Variants in LNP1 observed in about 807,000 individuals in gnomAD.
LNP1 encodes leukemia NUP98 fusion partner 1.
Under a neutral mutation model 14.5 loss-of-function variants are expected in LNP1, and 12 were observed. That is an observed-to-expected ratio of 0.83 (90% confidence interval 0.53 to 1.34). The LOEUF (loss-of-function observed/expected upper bound fraction) is 1.34, where lower values mean the gene tolerates loss of function less well. Among genes scored for constraint, LNP1 ranks in the 40% most tolerant of loss-of-function variants. The pLI, the probability that LNP1 is intolerant of heterozygous loss-of-function variation, is 0.00. For missense variants in LNP1, 198 were observed against 210.9 expected, an observed-to-expected ratio of 0.94 and a Z score of 0.38; for synonymous variants, 75 against 71.4, an observed-to-expected ratio of 1.05 and a Z score of -0.26.
chr3:100,404,982 C>T (rs1219642709), intron 1 of LNP1, among the ~76,000 whole-genome samples: 3 of 151,834 alleles, frequency 2.0e-5, no homozygotes, highest in Non-Finnish European at 2.9e-5. Flanking sequence ...TTAGTAGAGA[C>T]GGGGTTTCAC....
At chr3:100,409,287 A>T (rs1365672887) in intron 1 of LNP1, among the ~76,000 whole-genome samples, 1 of 152,080 alleles carries the variant, frequency 6.6e-6, no homozygotes, top group Non-Finnish European at 1.5e-5. Context: ...GACTGAAAAG[A>T]TACTATCAGC....
At chr3:100,437,323 G>A (rs928461956) in intron 2 of LNP1, among the ~76,000 whole-genome samples, 1 of 152,180 alleles carries the variant, frequency 6.6e-6, no homozygotes, top group African/African-American at 2.4e-5. Flanking sequence ...CCTGAGGTGT[G>A]AAGCGTTATA....
chr3:100,451,766 G>C lies in LNP1; in HGVS notation c.204G>C (p.Arg68Ser). 3.7e-6 allele frequency: 6 copies of C among 1,613,950 alleles called. No individual in the cohort carries two copies. The South Asian group carries it at 5.5e-5, about 15-fold the overall frequency. Residue 68 changes from arginine (R) to serine (S), a missense_variant, in exon 3 of 4, where the codon AGG (arginine) becomes AGC (serine). Transcript: ENST00000383693. ...RIPSSDCHPR[R>S]HSHEDQEFRC... is the part of the protein sequence containing the mutation. ...CATCATCTGACTGCCATCCTAGAAG[G>C]CATTCTCATGAGGACCAAGAATTTC...
intron 1 of LNP1, among the ~76,000 whole-genome samples, chr3:100,408,932 C>T (rs1405113182): frequency 6.6e-6 from 1 of 152,158 alleles, no homozygotes. Context: ...TTCCTTAGCT[C>T]TCGTGAAGGT....
intron 3 of LNP1, 116 bp from the exon 4 acceptor site, chr3:100,455,661 A>G (rs1707502937): frequency 1.1e-6 from 1 of 951,386 alleles, no homozygotes; most frequent in Non-Finnish European, 1.6e-6. Flanking sequence ...CTAGAAACCA[A>G]GAGGTGGAAG....
intron 2 of LNP1, among the ~76,000 whole-genome samples, chr3:100,432,007 T>C (rs1384150172): frequency 3.1e-4 from 3 of 9,810 alleles, no homozygotes; most frequent in African/African-American, 6.0e-4. Context: ...TATATATATA[T>C]ATATATATAT....
chr3:100,437,702 A>T (rs1432744939), intron 2 of LNP1, among the ~76,000 whole-genome samples: 1 of 152,174 alleles, frequency 6.6e-6, no homozygotes, highest in Non-Finnish European at 1.5e-5. Context: ...CTTCATATAA[A>T]ATTCTTTCAG....
intron 2 of LNP1, among the ~76,000 whole-genome samples, chr3:100,438,657 A>T (rs1707314516): frequency 6.6e-6 from 1 of 152,110 alleles, no homozygotes; most frequent in Non-Finnish European, 1.5e-5. Context: ...AGTGCATGGG[A>T]TTTTCTTTGA....
At chr3:100,408,657 A>G (rs774359938) in intron 1 of LNP1, among the ~76,000 whole-genome samples, 25 of 152,168 alleles carry the variant, frequency 1.6e-4, no homozygotes, top group Non-Finnish European at 3.1e-4. Context: ...CTCAGTCTGC[A>G]GTTACTGGCC....
At chr3:100,419,119 A>G (rs1255762866) in intron 1 of LNP1, among the ~76,000 whole-genome samples, 1 of 152,164 alleles carries the variant, frequency 6.6e-6, no homozygotes, top group Non-Finnish European at 1.5e-5. Flanking sequence ...GTTTTGTCGT[A>G]GAGCTGTCCA....
intron 2 of LNP1, among the ~76,000 whole-genome samples, chr3:100,433,569 G>A (rs1707263275): frequency 6.6e-6 from 1 of 152,046 alleles, no homozygotes; most frequent in Non-Finnish European, 1.5e-5. Flanking sequence ...ATATTCCTTT[G>A]GGTGTATACC....
intron 2 of LNP1, among the ~76,000 whole-genome samples, chr3:100,449,497 T>C (rs1391763464): frequency 1.3e-5 from 2 of 152,296 alleles, no homozygotes; most frequent in Non-Finnish European, 2.9e-5. Flanking sequence ...TGGGCTATTA[T>C]ATACTATTTT....
At chr3:100,411,456 G>T (rs1707031501) in intron 1 of LNP1, among the ~76,000 whole-genome samples, 1 of 152,216 alleles carries the variant, frequency 6.6e-6, no homozygotes, top group Admixed American at 6.5e-5. Context: ...TATTTTGTAT[G>T]TAAGAAGGGC....
intron 2 of LNP1, among the ~76,000 whole-genome samples, chr3:100,440,203 T>C (rs2148905884): frequency 6.6e-6 from 1 of 152,316 alleles, no homozygotes; most frequent in East Asian, 1.9e-4. Context: ...CTCACCCTAA[T>C]GGCCTCATTT....
intron 1 of LNP1, among the ~76,000 whole-genome samples, chr3:100,422,068 G>A (rs1334883391): frequency 1.3e-5 from 2 of 151,880 alleles, no homozygotes. Flanking sequence ...GGAGAGGCTT[G>A]TAGATTCAAC....
At position 100,416,599 on chromosome 3, in the gene LNP1, T is replaced by TGTGTGTGTG. The variant is rs1553740770; in HGVS notation, c.-33-13098_-33-13097insGTGTGTGTG. ...AAATAATACCTTGAGTATATCTTTT[T>TGTGTGTGTG]TGTGTGTGTGTGTGTGTGTGTGTGT... On this transcript the variant is annotated intron_variant, in intron 1 of 3. Transcript: ENST00000383693. Among the ~76,000 whole-genome samples, 95 of 94,660 alleles carry TGTGTGTGTG rather than the reference T, an allele frequency of 1.0e-3. 2 individuals are homozygous for TGTGTGTGTG. The highest frequency in any genetic ancestry group is 1.2e-3 in the Non-Finnish European group (60 of 48,026). The allele number at this position is 94,660 out of a possible 152,430, so 62.1% of individuals were successfully genotyped here.
At chr3:100,418,012 A>AT (rs1357221850) in intron 1 of LNP1, among the ~76,000 whole-genome samples, 8 of 147,512 alleles carry the variant, frequency 5.4e-5, no homozygotes, top group African/African-American at 2.0e-4. Flanking sequence ...TTATCATATC[A>AT]TTTGTATGTT....
At chr3:100,430,791 T>A (rs1177677527) in intron 2 of LNP1, among the ~76,000 whole-genome samples, 6 of 152,230 alleles carry the variant, frequency 3.9e-5, no homozygotes, top group Admixed American at 1.3e-4. Context: ...TGAAAGTGTG[T>A]AAGGCAACCT....
intron 1 of LNP1, among the ~76,000 whole-genome samples, chr3:100,402,766 T>C (rs1706924790): frequency 6.6e-6 from 1 of 152,168 alleles, no homozygotes; most frequent in Admixed American, 6.5e-5. Context: ...ACCTTTTTCT[T>C]ATTTATTGGA....
Sources: gnomAD v4.1 joint callset for allele counts (sites outside exome capture counted in the v4.1 genomes callset) on GRCh38, gnomAD v4.1.1 for gene constraint, MANE v1.5 for transcripts, NCBI Gene and HGNC (gene_info 2026-07-23, HGNC 2026-07-21) for gene names.